The following PGAM5 variants were observed in gnomAD, a reference collection of about 807,000 sequenced individuals.
PGAM5 encodes the protein serine/threonine-protein phosphatase PGAM5, mitochondrial.
In PGAM5, 25 loss-of-function variants were observed where a neutral mutation model predicts 30.6. The observed-to-expected ratio is 0.82, with a 90% CI of 0.60 to 1.14. The LOEUF is 1.14. PGAM5 is among the 50% of genes most tolerant of loss of function. The pLI, the probability that PGAM5 is intolerant of heterozygous loss-of-function variation, is 0.00. For missense variants in PGAM5, 384 were observed against 408.5 expected (o/e 0.94, Z 0.52); for synonymous variants, 201 against 179.1 (o/e 1.12, Z -0.98).
rs746761365 is a variant in PGAM5, at chr12:132,718,134, G to A, written c.719+14G>A. 3 of 1,612,350 alleles carry A rather than the reference G, an allele frequency of 1.9e-6. 1 individual carries two copies. The highest frequency in any genetic ancestry group is 2.5e-6 in the Non-Finnish European group (3 of 1,179,842). The stretch of plus-strand genomic sequence containing the variant: ...CATCGTGTGCAGGTAGGCAGCTGCT[G>A]GGCTGGGCGTGGTCTAAAATAATTT... On this transcript the variant is annotated intron_variant, in intron 5 of 5. Coordinates refer to ENST00000498926, the MANE Select transcript of PGAM5 (RefSeq NM_001170543.2).
chr12:132,715,677 G>C (rs937589591), intron 2 of PGAM5, among the ~76,000 whole-genome samples: 1 of 150,972 alleles, frequency 6.6e-6, no homozygotes, highest in South Asian at 2.1e-4. Context: ...TCAGGAGTTC[G>C]AGACCAGCCT....
At chr12:132,711,807 G>T (rs1330965684) in intron 1 of PGAM5, 1 of 151,990 alleles carries the variant, frequency 6.6e-6, no homozygotes, top group African/African-American at 2.4e-5. Context: ...AAAAAGTAGT[G>T]CAGGTTTTTA....
chr12:132,718,374 G>A (rs1487561486), intron 5 of PGAM5, among the ~76,000 whole-genome samples: 1 of 121,588 alleles, frequency 8.2e-6, no homozygotes, highest in African/African-American at 3.8e-5. Context: ...CCTGGGTGGG[G>A]TGCGTGCTGG....
intron 1 of PGAM5, among the ~76,000 whole-genome samples, chr12:132,714,348 G>C (rs1056177294): frequency 2.0e-5 from 3 of 152,200 alleles, no homozygotes; most frequent in Non-Finnish European, 4.4e-5. Flanking sequence ...GTATGACTGA[G>C]GACATGATGT....
Position 132,719,139 on chromosome 12 carries a change from A to C in PGAM5, c.719+1019A>C, listed in dbSNP as rs572765251. ...CTGAAACAGTCAGAAGGGTTGGCCAAATCTCACTAAATGCAAATTTGAAAC... is the reference window on the plus strand; with the variant it reads ...CTGAAACAGTCAGAAGGGTTGGCCACATCTCACTAAATGCAAATTTGAAAC... On this transcript the variant is annotated intron_variant, in intron 5 of 5. Transcript: ENST00000498926. 21 of 1,304,236 alleles carry C rather than the reference A, an allele frequency of 1.6e-5. No homozygotes were observed. In the East Asian group the frequency reaches 7.7e-4, roughly 48 times the overall value. 80.8% of individuals were successfully genotyped at this position (1,304,236 alleles called of 1,614,324 possible). A position where few individuals can be genotyped will look rare whatever the true frequency, so the allele number is the denominator to read the frequency against.
intron 5 of PGAM5, among the ~76,000 whole-genome samples, chr12:132,720,178 G>A (rs2136088233): frequency 7.0e-6 from 1 of 143,846 alleles, no homozygotes; most frequent in South Asian, 2.3e-4. Flanking sequence ...GAGCGGCTCG[G>A]CTGATGTGTA....
intron 1 of PGAM5, among the ~76,000 whole-genome samples, chr12:132,712,364 C>T (rs2043532055): frequency 6.6e-6 from 1 of 152,162 alleles, no homozygotes. Context: ...TTGAGGCGTC[C>T]TGGTCAGGGG....
chr12:132,718,066 A>G lies in PGAM5; in HGVS notation c.665A>G (p.Asp222Gly). ...CGCGCAGATGCCAGGCAGGAGGAGG[A>G]CAGTTACGAGATCTTCATCTGTCAC... The part of the protein sequence containing the change: ...IHRADARQEE[D>G]SYEIFICHAN... The change falls in exon 5 of 6, where the codon GAC becomes GGC. Residue 222 changes from aspartate (D) to glycine (G), a missense_variant. Transcript: ENST00000498926. The G allele has an allele frequency of 6.2e-7, 1 of 1,612,798 alleles. No homozygotes were observed. Among genetic ancestry groups the G allele is most frequent in the Non-Finnish European group, 8.5e-7 (1 of 1,179,972 alleles).
chr12:132,722,125 T>A lies in PGAM5; in HGVS notation c.*1297T>A, dbSNP rs1451004506. ...ACCTTCATGCTGGTCTCGGCTGAGG[T>A]GACACGCTAGTGACAGCCCAATAGG... On this transcript the variant is annotated 3_prime_UTR_variant, in exon 6 of 6. Coordinates refer to ENST00000498926, the MANE Select transcript of PGAM5 (RefSeq NM_001170543.2). The A allele has an allele frequency of 6.6e-6, 1 of 152,140 alleles. No homozygotes were observed. Among genetic ancestry groups the A allele is most frequent in the Non-Finnish European group, 1.5e-5 (1 of 68,028 alleles). 9.4% of individuals were successfully genotyped at this position (152,140 alleles called of 1,614,324 possible).
chr12:132,712,373 G>T (rs1426306839), intron 1 of PGAM5, among the ~76,000 whole-genome samples: 1 of 152,136 alleles, frequency 6.6e-6, no homozygotes, highest in Non-Finnish European at 1.5e-5. Flanking sequence ...CCTGGTCAGG[G>T]GTTTGGTAGA....
intron 5 of PGAM5, 81 bp from the exon 6 acceptor site, chr12:132,720,597 T>C (rs943427480): frequency 6.4e-5 from 92 of 1,435,854 alleles, no homozygotes; most frequent in African/African-American, 2.0e-4. Context: ...TGAGCCACCA[T>C]GCCCGGCCTA....
In PGAM5 at chr12:132,718,128, G is replaced by C; in HGVS notation, c.719+8G>C. 6.2e-7 allele frequency: 1 copy of C among 1,612,488 alleles called. No homozygotes were observed. The highest frequency in any genetic ancestry group is 1.1e-5 in the South Asian group (1 of 91,078). On this transcript the variant is annotated splice_region_variant and intron_variant, in intron 5 of 5. Coordinates refer to ENST00000498926, the MANE Select transcript of PGAM5 (RefSeq NM_001170543.2). ...CCGCTACATCGTGTGCAGGTAGGCA[G>C]CTGCTGGGCTGGGCGTGGTCTAAAA...
chr12:132,720,656 C>T, intron 5 of PGAM5, 22 bp from the exon 6 acceptor site: 1 of 1,025,208 alleles, frequency 9.8e-7, no homozygotes, highest in Non-Finnish European at 1.3e-6. Flanking sequence ...CGTGCTCTTT[C>T]TCTCTCTCTC....
At chr12:132,715,060 T>C (rs1337877705) in intron 2 of PGAM5, 24 bp downstream of exon 2, 3 of 1,580,840 alleles carry the variant, frequency 1.9e-6, no homozygotes, top group Non-Finnish European at 2.6e-6. Flanking sequence ...TCAGATCCTC[T>C]GTGGACCCTC....
rs771273784 is a variant in PGAM5 at position 132,714,881 on chromosome 12, A to G, written c.215A>G (p.Asn72Ser). 19 of 1,613,756 alleles carry G rather than the reference A, an allele frequency of 1.2e-5. No homozygotes were observed. Among genetic ancestry groups the G allele is most frequent in the Admixed American group, 1.7e-5 (1 of 60,024 alleles). ...WDRREPLSLINVRKRNVESGE... is the reference protein window; with the variant it reads ...WDRREPLSLISVRKRNVESGE... ...AGGCGAGAACCACTGTCTCTGATCA[A>G]CGTGCGGAAGAGGAACGTGGAATCT... The change falls in exon 2 of 6, where the codon AAC (asparagine) becomes AGC (serine). Residue 72 changes from asparagine (N) to serine (S), a missense_variant. Asn to Ser is a conservative substitution (Grantham distance 46, BLOSUM62 1). Coordinates refer to ENST00000498926, the MANE Select transcript of PGAM5 (RefSeq NM_001170543.2).
At chr12:132,718,666 G>C in intron 5 of PGAM5, 2 of 1,362,978 alleles carry the variant, frequency 1.5e-6, no homozygotes, top group Non-Finnish European at 2.1e-6. Context: ...CTGGGCGTCC[G>C]CACTGCCCTG....
chr12:132,714,732 CCAA>C, intron 1 of PGAM5, 123 bp from the exon 2 acceptor site: 2 of 1,086,542 alleles, frequency 1.8e-6, no homozygotes, highest in Admixed American at 4.5e-5. Flanking sequence ...CAGGGCTGTG[CCAA>C]GGGCCTTGTC....
At chr12:132,717,933 A>C (rs946857107) in intron 4 of PGAM5, 54 bp from the exon 5 acceptor site, 115 of 1,607,372 alleles carry the variant, frequency 7.2e-5, no homozygotes, top group Non-Finnish European at 9.3e-5. Flanking sequence ...TGTCCTCCTG[A>C]CACCCGCCCT....
chr12:132,717,729 A>G lies in PGAM5; in HGVS notation c.516A>G (p.Thr172=). The G allele has an allele frequency of 6.3e-7, 1 of 1,579,200 alleles. No homozygotes were observed. Among genetic ancestry groups the G allele is most frequent in the Non-Finnish European group, 8.6e-7 (1 of 1,162,730 alleles). ...RHLPGVCKVS[T]DLLREGAPIE... ...CTGCAGGCGTCTGCAAAGTCAGCAC[A>G]GATCTGCTGCGGGAAGGCGCCCCCA... The change falls in exon 4 of 6, where the codon ACA becomes ACG. Residue 172 remains threonine, a synonymous_variant. Transcript: ENST00000498926.
Sources: gnomAD v4.1 joint callset for allele counts (sites outside exome capture counted in the v4.1 genomes callset) on GRCh38, gnomAD v4.1.1 for gene constraint, MANE v1.5 for transcripts, NCBI Gene and HGNC (gene_info 2026-07-23, HGNC 2026-07-21) for gene names.